Variants in TAF5 observed in about 807,000 individuals in gnomAD.
TAF5 encodes the protein TATA-box binding protein associated factor 5, also known as transcription initiation factor TFIID subunit 5.
TAF5 carries 20 observed loss-of-function variants against 80.9 expected under a neutral mutation model. That is an observed-to-expected ratio of 0.25 (90% CI 0.17 to 0.36). The LOEUF (loss-of-function observed/expected upper bound fraction) is 0.36, where lower values mean the gene tolerates loss of function less well. Ranked by LOEUF, TAF5 falls within the 10% of genes least tolerant of loss-of-function variation. The pLI is 1.00. For synonymous variants in TAF5, 388 were observed against 406.4 expected, an observed-to-expected ratio of 0.95 and a Z score of 0.55; for missense variants, 863 against 1,029.4, an observed-to-expected ratio of 0.84 and a Z score of 2.21.
intron 5 of TAF5, among the ~76,000 whole-genome samples, chr10:103,380,428 C>G (rs1349802152): frequency 6.6e-6 from 1 of 151,564 alleles, no homozygotes; most frequent in Non-Finnish European, 1.5e-5. Flanking sequence ...GCATGTGGCC[C>G]CTAAACTCTT....
chr10:103,372,338 C>G (rs1294218310), intron 1 of TAF5, among the ~76,000 whole-genome samples: 1 of 144,964 alleles, frequency 6.9e-6, no homozygotes, highest in African/African-American at 2.6e-5. Flanking sequence ...CGCGGTGGCT[C>G]GTACTTTTTT....
chr10:103,369,083 A>G (rs888382536), intron 1 of TAF5, among the ~76,000 whole-genome samples: 4 of 151,086 alleles, frequency 2.6e-5, no homozygotes, highest in African/African-American at 9.7e-5. Context: ...GGTTCAAGCA[A>G]TTCTCCTGCC....
Position 103,368,084 on chromosome 10 carries a change from C to T in TAF5, c.95C>T (p.Ala32Val). The part of the protein sequence containing the change: ...TLLPPQAGDG[A>V]GEGSGGTTNN... ...CTACCTCCGCAGGCGGGGGACGGCG[C>T]AGGCGAGGGTAGCGGCGGCACTACC... The change falls in exon 1 of 11, where the codon GCA becomes GTA. Residue 32 changes from alanine (A) to valine (V), a missense_variant. Transcript: ENST00000369839. 1.4e-6 allele frequency: 2 copies of T among 1,430,594 alleles called. No individual in the cohort carries two copies. Among genetic ancestry groups the T allele is most frequent in the Non-Finnish European group, 1.8e-6 (2 of 1,093,808 alleles). The allele number at this position is 1,430,594 out of a possible 1,614,324, so 88.6% of individuals were successfully genotyped here. A position where few individuals can be genotyped will look rare whatever the true frequency, so the allele number is the denominator to read the frequency against.
chr10:103,385,947 A>G (rs867406949), intron 8 of TAF5, among the ~76,000 whole-genome samples: 20 of 151,190 alleles, frequency 1.3e-4, no homozygotes, highest in Middle Eastern at 3.5e-3. Context: ...AAAAAAAAAA[A>G]AAAAGAAAAG....
At position 103,370,681 on chromosome 10, in the gene TAF5, G is replaced by T. The variant is rs150586983; in HGVS notation, c.559+2133G>T. ...AAATGTTTGGTATGGATAAGTTTAT[G>T]CCTCTGTGTATGTACCTGAAACCTG... On this transcript the variant is annotated intron_variant, in intron 1 of 10. Transcript: ENST00000369839. Among the ~76,000 whole-genome samples, 6 of 152,088 alleles carry T rather than the reference G, an allele frequency of 3.9e-5. No individual in the cohort carries two copies. In the East Asian group the frequency reaches 1.2e-3, roughly 30 times the overall value.
At chr10:103,368,699 G>A in intron 1 of TAF5, 151 bp downstream of exon 1, 2 of 1,092,814 alleles carry the variant, frequency 1.8e-6, no homozygotes, top group East Asian at 3.0e-5. Context: ...TCTAGTGCGC[G>A]GGCTGCGCAG....
At chr10:103,381,132 A>G (rs1239596040) in intron 5 of TAF5, among the ~76,000 whole-genome samples, 2 of 151,594 alleles carry the variant, frequency 1.3e-5, no homozygotes, top group Admixed American at 6.6e-5. Context: ...TATTTTCAGT[A>G]GAGAAGGGGT....
intron 2 of TAF5, among the ~76,000 whole-genome samples, chr10:103,373,960 T>C (rs1592091213): frequency 6.6e-6 from 1 of 151,348 alleles, no homozygotes; most frequent in Admixed American, 6.6e-5. Flanking sequence ...GGGATGGGGG[T>C]GTGGTATACT....
Position 103,387,188 on chromosome 10 carries a change from G to T in TAF5, c.1843G>T (p.Asp615Tyr). The change falls in exon 9 of 11, where the codon GAC becomes TAC. Residue 615 changes from aspartate (D) to tyrosine (Y), a missense_variant. Physicochemically the swap from Asp to Tyr is radical, Grantham distance 160. This residue lies in a region of TAF5 where 368 missense variants were observed against 461.7 expected (regional missense o/e 0.80). Coordinates refer to ENST00000369839, the MANE Select transcript of TAF5 (RefSeq NM_006951.5). Reference protein sequence around the residue: ...HDRVARLWATDHYQPLRIFAG... With the variant: ...HDRVARLWATYHYQPLRIFAG... ...ACTTTATAAAAGGCTCTGGGCTACA[G>T]ACCACTATCAGCCTTTAAGAATATT... is the stretch of plus-strand genomic sequence containing the variant. The T allele has an allele frequency of 6.2e-7, 1 of 1,613,566 alleles. No individual in the cohort carries two copies.
Position 103,379,727 on chromosome 10 carries a change from A to T in TAF5, c.1233A>T (p.Gly411=). ...KKKKPKKDSI[G]SKSKKQDPNA... ...AGAAGCCTAAAAAAGATAGTATTGG[A>T]TCCAAAAGCAAAAAACAAGATCCCA... Residue 411 remains glycine, a synonymous_variant, in exon 4 of 11, where the codon GGA becomes GGT. Transcript: ENST00000369839. 1 of 1,601,350 alleles carries T rather than the reference A, an allele frequency of 6.2e-7. No homozygotes were observed. Among genetic ancestry groups the T allele is most frequent in the Non-Finnish European group, 8.5e-7 (1 of 1,177,376 alleles).
intron 1 of TAF5, among the ~76,000 whole-genome samples, chr10:103,369,103 C>T (rs925077249): frequency 2.0e-5 from 3 of 151,522 alleles, no homozygotes; most frequent in African/African-American, 7.3e-5. Context: ...CTCAGCCTCC[C>T]GCGTAGGTGG....
At position 103,379,697 on chromosome 10, in the gene TAF5, AAAG is replaced by A; in HGVS notation, c.1210_1212del (p.Lys404del). The A allele has an allele frequency of 6.2e-7, 1 of 1,610,934 alleles. No individual in the cohort carries two copies. Among genetic ancestry groups the A allele is most frequent in the Non-Finnish European group, 8.5e-7 (1 of 1,179,434 alleles). On this transcript the variant is annotated inframe_deletion, in exon 4 of 11. Coordinates refer to ENST00000369839, the MANE Select transcript of TAF5 (RefSeq NM_006951.5). ...GAGAAAATGAAGAAGGAAAACCTAA[AAAG>A]AAGAAGCCTAAAAAAGATAGTATTG...
Position 103,376,950 on chromosome 10 carries a change from A to G in TAF5, c.798-1285A>G, listed in dbSNP as rs572218660. Among the ~76,000 whole-genome samples the G allele has an allele frequency of 5.1e-4, 78 of 152,298 alleles. 2 individuals are homozygous for G. The highest frequency in any genetic ancestry group is 1.1e-3 in the Non-Finnish European group (74 of 68,022). On this transcript the variant is annotated intron_variant, in intron 2 of 10. Coordinates refer to ENST00000369839, the MANE Select transcript of TAF5 (RefSeq NM_006951.5). Reference sequence around the variant, plus strand: ...TCCCAGCTGCTCAGGAGGCTGAAGCATGAGAATTGCTTGAGCCCTGGAGGT... The same window carrying G: ...TCCCAGCTGCTCAGGAGGCTGAAGCGTGAGAATTGCTTGAGCCCTGGAGGT...
chr10:103,376,942 G>T (rs1213716427), intron 2 of TAF5, among the ~76,000 whole-genome samples: 1 of 152,180 alleles, frequency 6.6e-6, no homozygotes, highest in Admixed American at 6.5e-5. Flanking sequence ...TGCTCAGGAG[G>T]CTGAAGCATG....
intron 1 of TAF5, among the ~76,000 whole-genome samples, chr10:103,368,982 AT>A (rs34262432): frequency 0.04 from 5,809 of 146,118 alleles, 123 homozygotes; most frequent in Middle Eastern, 0.061. Flanking sequence ...TACTTTATAG[AT>A]TTTTTTTTTT....
intron 7 of TAF5, among the ~76,000 whole-genome samples, chr10:103,383,954 CTT>C (rs140392430): frequency 5.9e-4 from 87 of 148,710 alleles, no homozygotes; most frequent in Non-Finnish European, 9.5e-4. Flanking sequence ...TAGTATTTCC[CTT>C]TTTTTTTTTT....
In TAF5 at chr10:103,385,295, G is replaced by C. The variant is rs552277441; in HGVS notation, c.1665-31G>C. ...GGCAGGTGACCAAAGGTTACTCTGG[G>C]AGTCAAATATATCACCTTCTCTTCT... is the stretch of plus-strand genomic sequence containing the variant. On this transcript the variant is annotated intron_variant, in intron 7 of 10. Coordinates refer to ENST00000369839, the MANE Select transcript of TAF5 (RefSeq NM_006951.5). 6 of 1,581,826 alleles carry C rather than the reference G, an allele frequency of 3.8e-6. No individual in the cohort carries two copies. The South Asian group carries it at 6.8e-5, about 18-fold the overall frequency.
intron 1 of TAF5, among the ~76,000 whole-genome samples, chr10:103,372,329 G>T (rs937857562): frequency 6.7e-6 from 1 of 149,362 alleles, no homozygotes; most frequent in Middle Eastern, 3.7e-3. Context: ...ATGGCTGGGC[G>T]CGGTGGCTCG....
chr10:103,369,069 C>T (rs1412033121), intron 1 of TAF5, among the ~76,000 whole-genome samples: 1 of 150,996 alleles, frequency 6.6e-6, no homozygotes, highest in Non-Finnish European at 1.5e-5. Context: ...ACCTCCGCCT[C>T]CCGGGTTCAA....
Sources: allele counts gnomAD v4.1 joint callset (sites outside exome capture counted in the v4.1 genomes callset), GRCh38; gene constraint gnomAD v4.1.1; regional missense constraint gnomAD v4.1.1; transcripts MANE v1.5; gene names NCBI Gene and HGNC (gene_info 2026-07-23, HGNC 2026-07-21).